Variants in GPR149 observed in about 807,000 individuals in gnomAD.
GPR149 encodes the protein probable G protein-coupled receptor 149.
In GPR149, 50 loss-of-function variants were observed where a neutral mutation model predicts 50.2. That is an observed-to-expected ratio of 1.00 (90% confidence interval 0.79 to 1.26). The LOEUF is 1.26. Ranked by LOEUF, GPR149 falls within the 50% of genes most tolerant of loss-of-function variation. The pLI, the probability that GPR149 is intolerant of heterozygous loss-of-function variation, is 0.00. For missense variants in GPR149, 983 were observed against 895.4 expected (o/e 1.10, Z -1.25); for synonymous variants, 405 against 358.2 (o/e 1.13, Z -1.48).
chr3:154,410,313 A>G (rs1343427244), intron 3 of GPR149, among the ~76,000 whole-genome samples: 1 of 152,124 alleles, frequency 6.6e-6, no homozygotes, highest in African/African-American at 2.4e-5. Flanking sequence ...CTATATAACA[A>G]TAACAATGAA....
intron 3 of GPR149, among the ~76,000 whole-genome samples, chr3:154,359,402 A>G (rs1714326529): frequency 6.6e-6 from 1 of 152,188 alleles, no homozygotes. Flanking sequence ...AAATCTTCTC[A>G]TAGGCAGAAT....
chr3:154,357,806 T>A (rs1470738316), intron 3 of GPR149, among the ~76,000 whole-genome samples: 3 of 152,184 alleles, frequency 2.0e-5, no homozygotes, highest in Admixed American at 2.0e-4. Context: ...ACCCAAAGGA[T>A]TATAAATCAT....
intron 3 of GPR149, among the ~76,000 whole-genome samples, chr3:154,395,567 T>C (rs1165359512): frequency 1.3e-5 from 2 of 152,028 alleles, no homozygotes; most frequent in Non-Finnish European, 2.9e-5. Flanking sequence ...GGCAGGAGGA[T>C]TGCTTGAGCC....
Position 154,421,043 on chromosome 3 carries a change from C to G in GPR149, c.1619G>C (p.Arg540Pro). The G allele has an allele frequency of 1.9e-6, 3 of 1,597,522 alleles. No homozygotes were observed. The highest frequency in any genetic ancestry group is 2.6e-6 in the Non-Finnish European group (3 of 1,172,384). Reference sequence around the variant, plus strand: ...CAAGAACAACTTTTACTGTACCTGACGAGGGGTTCTTTCTGATTTACTCCT... The same window carrying G: ...CAAGAACAACTTTTACTGTACCTGAGGAGGGGTTCTTTCTGATTTACTCCT... ...WCRSKSERTP[R>P]QRSGYALAIP... Residue 540 changes from arginine to proline, a missense_variant, in exon 3 of 4, where the codon CGT becomes CCT. Arg to Pro is a moderately radical substitution (Grantham distance 103). Transcript: ENST00000389740.
At position 154,396,518 on chromosome 3, in the gene GPR149, G is replaced by T. The variant is rs532039348; in HGVS notation, c.1623+24521C>A. 1.1e-4 allele frequency among the ~76,000 whole-genome samples: 16 copies of T among 151,928 alleles called. No homozygotes were observed. The South Asian group carries it at 3.3e-3, about 32-fold the overall frequency. On this transcript the variant is annotated intron_variant, in intron 3 of 3. Transcript: ENST00000389740. ...TGACTTAGTATGAGGGCATTGGTAGGGTGTCATTTTTAGACAGTTTAAATT... is the reference window on the plus strand; with the variant it reads ...TGACTTAGTATGAGGGCATTGGTAGTGTGTCATTTTTAGACAGTTTAAATT...
intron 3 of GPR149, among the ~76,000 whole-genome samples, chr3:154,413,006 A>G: frequency 6.6e-6 from 1 of 152,122 alleles, no homozygotes; most frequent in Admixed American, 6.6e-5. Flanking sequence ...CCAAATACTT[A>G]TAGTCAACTC....
chr3:154,395,151 C>T (rs1163201122), intron 3 of GPR149, among the ~76,000 whole-genome samples: 3 of 151,880 alleles, frequency 2.0e-5, no homozygotes, highest in Admixed American at 6.6e-5. Flanking sequence ...TGCTAAAAAA[C>T]CAGAACAGAT....
At position 154,357,228 on chromosome 3, in the gene GPR149, C is replaced by T. The variant is rs1180072282; in HGVS notation, c.1624-18957G>A. Among the ~76,000 whole-genome samples the T allele has an allele frequency of 4.6e-5, 7 of 152,104 alleles. No homozygotes were observed. The East Asian group carries it at 1.2e-3, about 25-fold the overall frequency. On this transcript the variant is annotated intron_variant, in intron 3 of 3. Transcript: ENST00000389740. ...ATGTTAGACCTGAAACCATAAAAAC[C>T]CTAGAAGAAAACCTAGGCAATACCA...
At chr3:154,369,480 C>G (rs1246708824) in intron 3 of GPR149, among the ~76,000 whole-genome samples, 1 of 152,200 alleles carries the variant, frequency 6.6e-6, no homozygotes, top group African/African-American at 2.4e-5. Context: ...ACAGTTGCCT[C>G]CACACTCAGG....
At chr3:154,354,315 G>A in intron 3 of GPR149, 1 of 293,962 alleles carries the variant, frequency 3.4e-6, no homozygotes, top group Middle Eastern at 6.2e-4. Flanking sequence ...GGAAGTACAG[G>A]TCTATAATCC....
intron 3 of GPR149, among the ~76,000 whole-genome samples, chr3:154,383,809 G>A (rs1194678073): frequency 2.0e-5 from 3 of 151,984 alleles, no homozygotes; most frequent in Non-Finnish European, 4.4e-5. Flanking sequence ...TGAGGGTAGA[G>A]CCCTCATGAG....
At chr3:154,365,056 A>T (rs1178854216) in intron 3 of GPR149, among the ~76,000 whole-genome samples, 2 of 152,152 alleles carry the variant, frequency 1.3e-5, no homozygotes, top group African/African-American at 4.8e-5. Context: ...CTCCTGTGGC[A>T]TTTCTTTGCC....
intron 3 of GPR149, among the ~76,000 whole-genome samples, chr3:154,372,912 G>A (rs1714697643): frequency 6.6e-6 from 1 of 152,120 alleles, no homozygotes; most frequent in Non-Finnish European, 1.5e-5. Flanking sequence ...GGGATAGTGG[G>A]TTCAGGAGAA....
chr3:154,412,381 C>T (rs1306012961), intron 3 of GPR149, among the ~76,000 whole-genome samples: 1 of 151,938 alleles, frequency 6.6e-6, no homozygotes, highest in Admixed American at 6.6e-5. Context: ...GGCAAATTGG[C>T]ACAGAGGAAG....
At chr3:154,358,819 T>C (rs935445863) in intron 3 of GPR149, among the ~76,000 whole-genome samples, 5 of 152,208 alleles carry the variant, frequency 3.3e-5, no homozygotes, top group African/African-American at 1.2e-4. Flanking sequence ...TAAGATCCTG[T>C]AGATATGGTC....
chr3:154,371,335 C>T (rs1041657907), intron 3 of GPR149, among the ~76,000 whole-genome samples: 2 of 152,074 alleles, frequency 1.3e-5, no homozygotes, highest in African/African-American at 4.8e-5. Flanking sequence ...TCTGAAAGAA[C>T]AATGCTTTCT....
chr3:154,383,945 G>A (rs1008374368), intron 3 of GPR149, among the ~76,000 whole-genome samples: 3 of 152,100 alleles, frequency 2.0e-5, no homozygotes, highest in African/African-American at 7.2e-5. Flanking sequence ...CACCGACTTT[G>A]CCAGTGCCTT....
At chr3:154,363,264 G>GTGTA (rs1553763502) in intron 3 of GPR149, among the ~76,000 whole-genome samples, 1 of 152,052 alleles carries the variant, frequency 6.6e-6, no homozygotes, top group East Asian at 1.9e-4. Flanking sequence ...GGGCTGTGAT[G>GTGTA]TGTAGATCAG....
In GPR149 at chr3:154,337,639, G is replaced by A. The variant is rs1286334067; in HGVS notation, c.*60C>T. ...AAAGGAAATCAGTCTCATAACAAAG[G>A]TGTTAGTTTCACAGTTGACGTTGCA... On this transcript the variant is annotated 3_prime_UTR_variant, in exon 4 of 4. Transcript: ENST00000389740. 1 of 1,210,364 alleles carries A rather than the reference G, an allele frequency of 8.3e-7. No homozygotes were observed. The allele number at this position is 1,210,364 out of a possible 1,614,324, so 75.0% of individuals were successfully genotyped here.
Sources: allele counts gnomAD v4.1 joint callset (sites outside exome capture counted in the v4.1 genomes callset), GRCh38; gene constraint gnomAD v4.1.1; transcripts MANE v1.5; gene names NCBI Gene and HGNC (gene_info 2026-07-23, HGNC 2026-07-21).